TECPR2: variants seen among roughly 807,000 people sequenced by gnomAD.
The protein encoded by TECPR2 is tectonin beta-propeller repeat-containing protein 2.
In TECPR2, 65 loss-of-function variants were observed where a neutral mutation model predicts 138.1. The observed-to-expected ratio is 0.47, with a 90% confidence interval of 0.39 to 0.58. TECPR2 has a LOEUF of 0.58. TECPR2 is among the 20% of genes least tolerant of loss of function. The pLI is 0.00. For missense variants in TECPR2, 1,553 were observed against 1,824.5 expected, an observed-to-expected ratio of 0.85 and a Z score of 2.71; for synonymous variants, 746 against 749.8, an observed-to-expected ratio of 0.99 and a Z score of 0.08.
At chr14:102,433,750 G>T in intron 8 of TECPR2, among the ~76,000 whole-genome samples, 1 of 152,038 alleles carries the variant, frequency 6.6e-6, no homozygotes, top group East Asian at 1.9e-4. Flanking sequence ...TTGAACTCCT[G>T]ACCTAAGGTG....
intron 3 of TECPR2, among the ~76,000 whole-genome samples, 187 bp downstream of exon 3, chr14:102,407,653 A>G (rs529948383): frequency 9.9e-5 from 15 of 152,118 alleles, no homozygotes; most frequent in Middle Eastern, 3.4e-3. Context: ...CACGAGGTCA[A>G]GAGATCAAGA....
chr14:102,388,151 T>A (rs945902276), intron 2 of TECPR2, among the ~76,000 whole-genome samples: 2 of 152,188 alleles, frequency 1.3e-5, no homozygotes, highest in African/African-American at 2.4e-5. Flanking sequence ...GGGAGTAACT[T>A]TTAGGTCCAG....
intron 6 of TECPR2, among the ~76,000 whole-genome samples, chr14:102,425,643 T>C (rs1263347489): frequency 6.6e-6 from 1 of 152,086 alleles, no homozygotes; most frequent in African/African-American, 2.4e-5. Context: ...TGGCATGATC[T>C]CGGCTTACTG....
intron 2 of TECPR2, among the ~76,000 whole-genome samples, chr14:102,399,393 TGAAAAA>T (rs1888408948): frequency 6.6e-6 from 1 of 151,876 alleles, no homozygotes; most frequent in Non-Finnish European, 1.5e-5. Flanking sequence ...CCTTCAGAAA[TGAAAAA>T]GAAATTAAGA....
In TECPR2 at chr14:102,435,102, T is replaced by C. The variant is rs1299981372; in HGVS notation, c.2285T>C (p.Leu762Pro). 6.2e-7 allele frequency: 1 copy of C among 1,613,790 alleles called. No homozygotes were observed. The highest frequency in any genetic ancestry group is 1.7e-5 in the Admixed American group (1 of 60,018). ...GAGGAGGACATCTATGCCCACGGGC[T>C]TCCTTCTTCATCCTCAGAGACGAGT... ...SDEEDIYAHG[L>P]PSSSSETSVT... Residue 762 changes from leucine to proline, a missense_variant, in exon 9 of 20, where the codon CTT (leucine) becomes CCT (proline). Physicochemically the swap from Leu to Pro is moderately conservative, Grantham distance 98. Transcript: ENST00000359520.
chr14:102,487,106 A>G (rs190258647), intron 17 of TECPR2, among the ~76,000 whole-genome samples: 9 of 152,320 alleles, frequency 5.9e-5, no homozygotes, highest in African/African-American at 1.9e-4. Flanking sequence ...CGGGGATTCA[A>G]GGTTAAAACA....
Position 102,434,392 on chromosome 14 carries a change from C to A in TECPR2, c.1575C>A (p.Asp525Glu). The A allele has an allele frequency of 6.5e-7, 1 of 1,529,976 alleles. No individual in the cohort carries two copies. Among genetic ancestry groups the A allele is most frequent in the Non-Finnish European group, 8.8e-7 (1 of 1,140,576 alleles). The allele number at this position is 1,529,976 out of a possible 1,614,324, so 94.8% of individuals were successfully genotyped here. A position where few individuals can be genotyped will look rare whatever the true frequency, so the allele number is the denominator to read the frequency against. ...SVDQLSAESP[D>E]QESSFNGEVN... ...ATCAGTTAAGTGCAGAGTCTCCAGA[C>A]CAGGAAAGCAGCTTCAATGGTGAAG... Residue 525 changes from aspartate (D) to glutamate (E), a missense_variant, in exon 9 of 20, where the codon GAC becomes GAA. Coordinates refer to ENST00000359520, the MANE Select transcript of TECPR2 (RefSeq NM_014844.5).
intron 4 of TECPR2, among the ~76,000 whole-genome samples, chr14:102,413,390 T>TTTTTTTTG (rs1888936787): frequency 6.7e-6 from 1 of 148,514 alleles, no homozygotes; most frequent in Non-Finnish European, 1.5e-5. Context: ...TATATATATA[T>TTTTTTTTG]ATTTTTTGAG....
At chr14:102,402,142 A>G (rs1443197059) in intron 2 of TECPR2, among the ~76,000 whole-genome samples, 3 of 152,184 alleles carry the variant, frequency 2.0e-5, no homozygotes, top group Non-Finnish European at 4.4e-5. Context: ...AGGATAGACT[A>G]TATGTTAAGC....
chr14:102,485,593 G>C (rs1728049958), intron 17 of TECPR2, among the ~76,000 whole-genome samples: 1 of 152,020 alleles, frequency 6.6e-6, no homozygotes, highest in Non-Finnish European at 1.5e-5. Context: ...CCCTCATCGT[G>C]CTTTAACAAC....
At chr14:102,483,707 G>T (rs1890947900) in intron 17 of TECPR2, among the ~76,000 whole-genome samples, 1 of 151,482 alleles carries the variant, frequency 6.6e-6, no homozygotes, top group African/African-American at 2.4e-5. Context: ...GCCTCCCAAA[G>T]TGCTGGATTC....
Position 102,497,004 on chromosome 14 carries a change from T to C in TECPR2, c.3815T>C (p.Val1272Ala). The C allele has an allele frequency of 1.9e-6, 3 of 1,614,036 alleles. No individual in the cohort carries two copies. Among genetic ancestry groups the C allele is most frequent in the Non-Finnish European group, 1.7e-6 (2 of 1,180,010 alleles). The change falls in exon 18 of 20, where the codon GTC becomes GCC. Residue 1272 changes from valine to alanine, a missense_variant. Transcript: ENST00000359520. ...VQPAGVSLVSVHSSPNDQMLW... is the reference protein window; with the variant it reads ...VQPAGVSLVSAHSSPNDQMLW... ...CCCGCCGGGGTCAGCTTGGTCAGCG[T>C]CCATTCCAGCCCCAACGACCAGATG... is the stretch of plus-strand genomic sequence containing the variant.
chr14:102,376,372 A>G (rs1179328951), intron 1 of TECPR2, among the ~76,000 whole-genome samples: 1 of 152,198 alleles, frequency 6.6e-6, no homozygotes, highest in Non-Finnish European at 1.5e-5. Flanking sequence ...TGTCTAGATC[A>G]TAAGCTACTT....
intron 5 of TECPR2, among the ~76,000 whole-genome samples, chr14:102,422,982 G>A (rs571311516): frequency 6.6e-6 from 1 of 152,302 alleles, no homozygotes; most frequent in African/African-American, 2.4e-5. Flanking sequence ...CACATTACGT[G>A]TTCTGTTTTT....
intron 1 of TECPR2, among the ~76,000 whole-genome samples, chr14:102,370,417 T>G (rs1887470082): frequency 6.6e-6 from 1 of 152,180 alleles, no homozygotes; most frequent in South Asian, 2.1e-4. Flanking sequence ...CAATACTTAC[T>G]GGTGAAGAGC....
intron 6 of TECPR2, among the ~76,000 whole-genome samples, chr14:102,425,591 G>T (rs894182550): frequency 1.3e-5 from 2 of 151,924 alleles, no homozygotes; most frequent in African/African-American, 4.8e-5. Flanking sequence ...TGTTGTTGTT[G>T]TTGAGAAAGA....
At chr14:102,458,535 A>T (rs1260263004) in intron 16 of TECPR2, among the ~76,000 whole-genome samples, 1 of 151,314 alleles carries the variant, frequency 6.6e-6, no homozygotes, top group Non-Finnish European at 1.5e-5. Context: ...TGCGTTGGGG[A>T]CTCCAGCCAC....
chr14:102,443,970 T>G lies in TECPR2; in HGVS notation c.2933+143T>G. ...TGGCTATAGGCTAAGCTTGAATCTC[T>G]GCCTAATTCTGACCGGCAAACTGGA... On this transcript the variant is annotated intron_variant, in intron 12 of 19. Coordinates refer to ENST00000359520, the MANE Select transcript of TECPR2 (RefSeq NM_014844.5). This position sits in a 1 kb window ranked among gnomAD's most constrained non-coding sequence, Gnocchi z 4.9. 3 of 796,204 alleles carry G rather than the reference T, an allele frequency of 3.8e-6. No individual in the cohort carries two copies. The highest frequency in any genetic ancestry group is 5.5e-6 in the Non-Finnish European group (3 of 549,950). 49.3% of individuals were successfully genotyped at this position (796,204 alleles called of 1,614,324 possible).
At chr14:102,463,485 TCACGCCAC>T (rs1890470378) in intron 16 of TECPR2, among the ~76,000 whole-genome samples, 2 of 140,912 alleles carry the variant, frequency 1.4e-5, no homozygotes, top group South Asian at 2.3e-4. Flanking sequence ...TGAGCCAAGA[TCACGCCAC>T]TGCACTCCAG....
Sources: gnomAD v4.1 joint callset for allele counts (sites outside exome capture counted in the v4.1 genomes callset) on GRCh38, gnomAD v4.1.1 for gene constraint, Gnocchi (gnomAD v3.1) non-coding constraint, MANE v1.5 for transcripts, NCBI Gene and HGNC (gene_info 2026-07-23, HGNC 2026-07-21) for gene names.